The following PKP2 variants were observed in gnomAD, a reference collection of about 807,000 sequenced individuals.
PKP2 encodes the protein plakophilin-2.
A neutral mutation model predicts 83.4 loss-of-function variants in PKP2; 73 were observed. The observed-to-expected ratio is 0.88, with a 90% CI of 0.72 to 1.06. The LOEUF is 1.06. Among genes scored for constraint, PKP2 ranks in the 50% least tolerant of loss-of-function variants. The probability of loss-of-function intolerance (pLI) is 0.00; values close to 1 mark genes in which losing one functional copy is unlikely to be tolerated. For synonymous variants in PKP2, 409 were observed against 430.4 expected, an observed-to-expected ratio of 0.95 and a Z score of 0.62; for missense variants, 966 against 1,065.4, an observed-to-expected ratio of 0.91 and a Z score of 1.30.
chr12:32,831,998 A>G (rs966147776), intron 6 of PKP2, among the ~76,000 whole-genome samples: 3 of 152,186 alleles, frequency 2.0e-5, no homozygotes, highest in African/African-American at 7.2e-5. Context: ...ATGGCCTAAA[A>G]CCCTGAAGCT....
At chr12:32,797,073 A>G (rs954701530) in intron 10 of PKP2, among the ~76,000 whole-genome samples, 3 of 152,188 alleles carry the variant, frequency 2.0e-5, no homozygotes, top group African/African-American at 7.2e-5. Context: ...CTATCTATGA[A>G]GCATGTATAA....
In PKP2 at chr12:32,792,323, T is replaced by C. The variant is rs1956075650; in HGVS notation, c.*101A>G. The C allele has an allele frequency of 1.2e-6, 1 of 843,372 alleles. No individual in the cohort carries two copies. The highest frequency in any genetic ancestry group is 2.1e-6 in the Non-Finnish European group (1 of 482,766). 52.2% of individuals were successfully genotyped at this position (843,372 alleles called of 1,614,324 possible). ...AGGGGACCACGGAAATAGAGAAGGA[T>C]AGAAACAAGGCATGCTTTTGAGGTT... On this transcript the variant is annotated 3_prime_UTR_variant, in exon 13 of 13. Transcript: ENST00000340811.
chr12:32,827,214 C>G (rs1002495129), intron 6 of PKP2, among the ~76,000 whole-genome samples: 2 of 152,206 alleles, frequency 1.3e-5, no homozygotes, highest in African/African-American at 4.8e-5. Flanking sequence ...CAAGTACTAA[C>G]TGTTGTCTTG....
intron 1 of PKP2, among the ~76,000 whole-genome samples, chr12:32,882,436 A>G (rs1956994877): frequency 6.6e-6 from 1 of 152,194 alleles, no homozygotes; most frequent in South Asian, 2.1e-4. Flanking sequence ...GAGTAGGTAG[A>G]TATTCAGGAA....
intron 5 of PKP2, among the ~76,000 whole-genome samples, chr12:32,846,195 A>G (rs966926785): frequency 6.6e-6 from 1 of 152,184 alleles, no homozygotes; most frequent in Non-Finnish European, 1.5e-5. Context: ...TCCAAGGCAT[A>G]TCCCTGCTCA....
chr12:32,864,522 A>G (rs996690308), intron 4 of PKP2, among the ~76,000 whole-genome samples: 2 of 152,134 alleles, frequency 1.3e-5, no homozygotes, highest in Non-Finnish European at 2.9e-5. Flanking sequence ...TCTGCTGAGA[A>G]AAACTGAAGA....
At chr12:32,875,006 C>T (rs1163968321) in intron 3 of PKP2, among the ~76,000 whole-genome samples, 1 of 152,116 alleles carries the variant, frequency 6.6e-6, no homozygotes, top group Non-Finnish European at 1.5e-5. Flanking sequence ...GCCTGGGCCT[C>T]CCAAAGTGCT....
At chr12:32,843,504 T>C (rs1956619582) in intron 5 of PKP2, among the ~76,000 whole-genome samples, 1 of 152,242 alleles carries the variant, frequency 6.6e-6, no homozygotes, top group Non-Finnish European at 1.5e-5. Flanking sequence ...TTAGGCTTCA[T>C]GCAGTCTTTT....
intron 1 of PKP2, among the ~76,000 whole-genome samples, chr12:32,887,394 T>C (rs1489451560): frequency 6.6e-6 from 1 of 152,176 alleles, no homozygotes; most frequent in Non-Finnish European, 1.5e-5. Flanking sequence ...TTATGACATT[T>C]GGGGGGCAAT....
chr12:32,873,007 C>T (rs1315593319), intron 3 of PKP2, among the ~76,000 whole-genome samples: 1 of 152,108 alleles, frequency 6.6e-6, no homozygotes, highest in African/African-American at 2.4e-5. Flanking sequence ...CTGCAGTGCT[C>T]TTGGTCACAA....
At chr12:32,796,982 A>AACT (rs1956131949) in intron 10 of PKP2, among the ~76,000 whole-genome samples, 1 of 152,172 alleles carries the variant, frequency 6.6e-6, no homozygotes, top group South Asian at 2.1e-4. Flanking sequence ...GTAACTGAAA[A>AACT]ACTAAAAAGC....
Position 32,857,181 on chromosome 12 carries a change from T to C in PKP2, c.1171-6208A>G, listed in dbSNP as rs576567806. On this transcript the variant is annotated intron_variant, in intron 4 of 12. Transcript: ENST00000340811. Reference sequence around the variant, plus strand: ...GCTCATGTCTGTAATCCTAGCACTTTGGGAGGCCAAGGTGGGAAGACTGCT... The same window carrying C: ...GCTCATGTCTGTAATCCTAGCACTTCGGGAGGCCAAGGTGGGAAGACTGCT... Among the ~76,000 whole-genome samples the C allele has an allele frequency of 2.0e-5, 3 of 152,320 alleles. No individual in the cohort carries two copies. The East Asian group carries it at 5.8e-4, about 29-fold the overall frequency.
At chr12:32,893,780 T>C (rs568830274) in intron 1 of PKP2, 1 of 152,224 alleles carries the variant, frequency 6.6e-6, no homozygotes. Context: ...CTCTGTGAAC[T>C]GTGAAATATT....
At chr12:32,833,661 ATAT>A (rs1956520577) in intron 6 of PKP2, among the ~76,000 whole-genome samples, 1 of 152,216 alleles carries the variant, frequency 6.6e-6, no homozygotes, top group African/African-American at 2.4e-5. Context: ...ATATAAAAGG[ATAT>A]TATACATTCA....
chr12:32,870,063 G>A (rs1956883464), intron 3 of PKP2, among the ~76,000 whole-genome samples: 1 of 152,082 alleles, frequency 6.6e-6, no homozygotes, highest in Non-Finnish European at 1.5e-5. Context: ...CTAAAGACAT[G>A]CTTTAAAGGT....
At position 32,866,984 on chromosome 12, in the gene PKP2, A is replaced by G. The variant is rs530336893; in HGVS notation, c.1170+1943T>C. 5.3e-5 allele frequency among the ~76,000 whole-genome samples: 8 copies of G among 152,338 alleles called. No homozygotes were observed. The East Asian group carries it at 1.5e-3, about 29-fold the overall frequency. ...TCAAACCAAAAAAATCTTATATTCTATATGATTCCATTTATATAAAATTCG... is the reference window on the plus strand; with the variant it reads ...TCAAACCAAAAAAATCTTATATTCTGTATGATTCCATTTATATAAAATTCG... On this transcript the variant is annotated intron_variant, in intron 4 of 12. Transcript: ENST00000340811.
chr12:32,836,197 C>T (rs1380757813), intron 6 of PKP2, among the ~76,000 whole-genome samples: 2 of 152,172 alleles, frequency 1.3e-5, no homozygotes, highest in Non-Finnish European at 2.9e-5. Flanking sequence ...AAATCTGCAT[C>T]ACCTTTAAGT....
intron 4 of PKP2, among the ~76,000 whole-genome samples, chr12:32,855,118 CT>C (rs1374959997): frequency 6.6e-6 from 1 of 152,210 alleles, no homozygotes. Context: ...AAAATATTCA[CT>C]TCTAGTAACT....
chr12:32,831,078 A>T (rs74638536), intron 6 of PKP2, among the ~76,000 whole-genome samples: 4,722 of 152,252 alleles, frequency 0.031, 305 homozygotes, highest in East Asian at 0.29. Context: ...TTTAAAATTA[A>T]TTATAAACAG....
Sources: allele counts gnomAD v4.1 joint callset (sites outside exome capture counted in the v4.1 genomes callset), GRCh38; gene constraint gnomAD v4.1.1; transcripts MANE v1.5; gene names NCBI Gene and HGNC (gene_info 2026-07-23, HGNC 2026-07-21).